The following ARMH4 variants were observed in gnomAD, a reference collection of about 807,000 sequenced individuals.
The protein encoded by ARMH4 is armadillo like helical domain containing 4, also known as armadillo-like helical domain-containing protein 4.
Under a neutral mutation model 61.9 loss-of-function variants are expected in ARMH4, and 49 were observed. That is an observed-to-expected ratio of 0.79 (90% confidence interval 0.63 to 1.00). The LOEUF (loss-of-function observed/expected upper bound fraction) is 1.00, where lower values mean the gene tolerates loss of function less well. Ranked by LOEUF, ARMH4 falls within the 50% of genes least tolerant of loss-of-function variation. The pLI is 0.00. For missense variants in ARMH4, 934 were observed against 930.0 expected, an observed-to-expected ratio of 1.00 and a Z score of -0.06; for synonymous variants, 368 against 341.5, an observed-to-expected ratio of 1.08 and a Z score of -0.85.
At chr14:58,058,193 T>C (rs1033753009) in intron 5 of ARMH4, among the ~76,000 whole-genome samples, 2 of 152,202 alleles carry the variant, frequency 1.3e-5, no homozygotes, top group African/African-American at 2.4e-5. Flanking sequence ...CATGTAACTA[T>C]GCACATCTTC....
intron 5 of ARMH4, among the ~76,000 whole-genome samples, chr14:58,054,869 C>CAAAAAA (rs72336341): frequency 4.8e-5 from 5 of 104,126 alleles, no homozygotes; most frequent in African/African-American, 7.4e-5. Context: ...GACTCTGTCT[C>CAAAAAA]AAAAAAAAAA....
intron 4 of ARMH4, among the ~76,000 whole-genome samples, chr14:58,112,115 T>A (rs1008177970): frequency 5.3e-5 from 8 of 152,162 alleles, no homozygotes. Flanking sequence ...AGTGATTAAG[T>A]CTTCAACAAA....
At chr14:58,004,875 T>C in intron 7 of ARMH4, 71 bp from the exon 8 acceptor site, 1 of 1,546,250 alleles carries the variant, frequency 6.5e-7, no homozygotes, top group Non-Finnish European at 8.9e-7. Context: ...AGGCCCACTT[T>C]AAAAGACATG....
intron 5 of ARMH4, among the ~76,000 whole-genome samples, chr14:58,088,221 C>A (rs981417311): frequency 6.6e-6 from 1 of 152,126 alleles, no homozygotes; most frequent in Non-Finnish European, 1.5e-5. Context: ...TTGTTGAATC[C>A]TTTACCACAA....
intron 5 of ARMH4, among the ~76,000 whole-genome samples, chr14:58,052,642 A>T (rs1483407760): frequency 1.3e-5 from 2 of 151,316 alleles, no homozygotes; most frequent in East Asian, 1.9e-4. Context: ...ACTCTACTTC[A>T]CCTGTGAATT....
rs911314987 is a variant in ARMH4, at chr14:58,035,856, G to C, written c.2090-23706C>G. On this transcript the variant is annotated intron_variant, in intron 5 of 7. Coordinates refer to ENST00000267485, the MANE Select transcript of ARMH4 (RefSeq NM_001001872.4). ...TCTCCCAAGACTAAACCAGGAAGAA[G>C]TTGAATCTCTGAATAGACCAATAAC... Among the ~76,000 whole-genome samples, 49 of 140,830 alleles carry C rather than the reference G, an allele frequency of 3.5e-4. No homozygotes were observed. In the East Asian group the frequency reaches 4.8e-3, roughly 14 times the overall value. The allele number at this position is 140,830 out of a possible 152,430, so 92.4% of individuals were successfully genotyped here. A position where few individuals can be genotyped will look rare whatever the true frequency, so the allele number is the denominator to read the frequency against.
intron 1 of ARMH4, among the ~76,000 whole-genome samples, chr14:58,151,295 A>G (rs910171588): frequency 8.5e-5 from 13 of 152,052 alleles, no homozygotes; most frequent in Admixed American, 2.0e-4. Flanking sequence ...AAGGTTCTAC[A>G]TGTTTGGAAT....
chr14:58,041,177 G>A (rs2207257), intron 5 of ARMH4, among the ~76,000 whole-genome samples: 3,414 of 152,240 alleles, frequency 0.022, 68 homozygotes, highest in East Asian at 0.077. Context: ...CGCCTCACCC[G>A]GGAAGCGTAA....
chr14:58,124,373 A>G (rs1439475474), intron 4 of ARMH4, among the ~76,000 whole-genome samples: 1 of 152,222 alleles, frequency 6.6e-6, no homozygotes, highest in African/African-American at 2.4e-5. Flanking sequence ...ATACCTGAGT[A>G]AGGAAATTGA....
In ARMH4 at chr14:58,071,251, T is replaced by C. The variant is rs575850522; in HGVS notation, c.2089+25473A>G. On this transcript the variant is annotated intron_variant, in intron 5 of 7. Coordinates refer to ENST00000267485, the MANE Select transcript of ARMH4 (RefSeq NM_001001872.4). ...GGCAAGAAAAGTTGTTAATGATTCA[T>C]CAGAACACATTTCTGCTATCTTTTC... Among the ~76,000 whole-genome samples, 9 of 151,898 alleles carry C rather than the reference T, an allele frequency of 5.9e-5. No homozygotes were observed. In the East Asian group the frequency reaches 1.2e-3, roughly 20 times the overall value.
At chr14:58,090,062 G>A (rs1029334299) in intron 5 of ARMH4, among the ~76,000 whole-genome samples, 1 of 152,126 alleles carries the variant, frequency 6.6e-6, no homozygotes, top group African/African-American at 2.4e-5. Context: ...ACCATTAATT[G>A]AGCATCATGT....
At chr14:58,102,075 C>T (rs563639315) in intron 4 of ARMH4, among the ~76,000 whole-genome samples, 1 of 152,260 alleles carries the variant, frequency 6.6e-6, no homozygotes, top group South Asian at 2.1e-4. Context: ...GGGAGCTCAC[C>T]TCAAGGTGAT....
intron 6 of ARMH4, 28 bp from the exon 7 acceptor site, chr14:58,005,210 G>A: frequency 1.2e-6 from 2 of 1,613,530 alleles, no homozygotes; most frequent in African/African-American, 1.3e-5. Flanking sequence ...CACACATTAG[G>A]ATGCTAAACA....
In ARMH4 at chr14:58,123,116, T is replaced by C. The variant is rs544395033; in HGVS notation, c.1831+8396A>G. 5.3e-5 allele frequency among the ~76,000 whole-genome samples: 8 copies of C among 152,302 alleles called. No individual in the cohort carries two copies. The East Asian group carries it at 1.5e-3, about 29-fold the overall frequency. ...CTTCTCCCAGCCACTAAGTTTTGAC[T>C]GAGGAGCTTTACTCTTTTCACACGC... On this transcript the variant is annotated intron_variant, in intron 4 of 7. Transcript: ENST00000267485.
chr14:58,114,305 GCT>G (rs1422040160), intron 4 of ARMH4, among the ~76,000 whole-genome samples: 2 of 152,134 alleles, frequency 1.3e-5, no homozygotes, highest in East Asian at 3.9e-4. Flanking sequence ...CTTACTACTG[GCT>G]CAAGTGTAGA....
rs777187564 is a variant in ARMH4, at chr14:58,133,274, TTGTGTCAC to T, written c.1429_1436del (p.Val477ArgfsTer16). 6.2e-7 allele frequency: 1 copy of T among 1,614,100 alleles called. No homozygotes were observed. The highest frequency in any genetic ancestry group is 8.5e-7 in the Non-Finnish European group (1 of 1,180,036). On this transcript the variant is annotated frameshift_variant, in exon 3 of 8. Transcript: ENST00000267485. LOFTEE classifies it high-confidence loss of function. Reference sequence around the variant, plus strand: ...TAAGCTCGAGGGTAGCAACCTGCTCTTGTGTCACCATGGATAAAGTGGCATCTGGCTCT... The same window carrying T: ...TAAGCTCGAGGGTAGCAACCTGCTCTCATGGATAAAGTGGCATCTGGCTCT...
intron 5 of ARMH4, among the ~76,000 whole-genome samples, chr14:58,020,009 G>A (rs895873630): frequency 6.6e-6 from 1 of 152,034 alleles, no homozygotes; most frequent in Non-Finnish European, 1.5e-5. Context: ...GGTAGGGATG[G>A]GAGCCAGAAG....
intron 5 of ARMH4, among the ~76,000 whole-genome samples, chr14:58,094,255 G>A (rs975828915): frequency 1.0e-4 from 15 of 147,962 alleles, no homozygotes; most frequent in African/African-American, 3.5e-4. Flanking sequence ...GTTTGAACCC[G>A]GGAGGCAGAA....
intron 5 of ARMH4, among the ~76,000 whole-genome samples, chr14:58,038,551 A>AT (rs1594711452): frequency 8.9e-6 from 1 of 112,538 alleles, no homozygotes; most frequent in East Asian, 3.3e-4. Flanking sequence ...TTAAAGTATA[A>AT]TAAAAAAAAA....
Sources: gnomAD v4.1 joint callset for allele counts (sites outside exome capture counted in the v4.1 genomes callset) on GRCh38, gnomAD v4.1.1 for gene constraint, MANE v1.5 for transcripts, NCBI Gene and HGNC (gene_info 2026-07-23, HGNC 2026-07-21) for gene names.